The following ROBO2 variants were observed in gnomAD, a reference collection of about 807,000 sequenced individuals.
The protein encoded by ROBO2 is roundabout guidance receptor 2, also known as roundabout homolog 2.
Under a neutral mutation model 160.8 loss-of-function variants are expected in ROBO2, and 53 were observed. The ratio of observed to expected loss-of-function variants is 0.33; its 90% CI spans 0.26 to 0.41. ROBO2 has a LOEUF of 0.41. ROBO2 is among the 10% of genes least tolerant of loss of function. ROBO2 has a pLI of 1.00. For synonymous variants in ROBO2, 664 were observed against 611.7 expected (o/e 1.09, Z -1.26); for missense variants, 1,577 against 1,722.4 (o/e 0.92, Z 1.49).
chr3:77,544,248 G>A (rs1186916386), intron 6 of ROBO2, among the ~76,000 whole-genome samples: 3 of 151,852 alleles, frequency 2.0e-5, no homozygotes, highest in Admixed American at 2.0e-4. Context: ...AGAAAACATG[G>A]AACAAAAATC....
intron 2 of ROBO2, among the ~76,000 whole-genome samples, chr3:77,180,143 G>T (rs890373546): frequency 1.3e-5 from 2 of 151,856 alleles, no homozygotes; most frequent in African/African-American, 4.8e-5. Context: ...TTAATCTTCT[G>T]TTTACCACTA....
intron 2 of ROBO2, among the ~76,000 whole-genome samples, chr3:76,157,437 T>C (rs2072452041): frequency 6.6e-6 from 1 of 152,110 alleles, no homozygotes; most frequent in South Asian, 2.1e-4. Flanking sequence ...TGTAGCAGAG[T>C]AAGCCACAAT....
In ROBO2 at chr3:76,786,683, C is replaced by T. The variant is rs138987436; in HGVS notation, c.110-311331C>T. ...ACACAGAGCCAAACCATATCAATGCCTTAGGCAACGAGTAAGCAAATTTCT... is the reference window on the plus strand; with the variant it reads ...ACACAGAGCCAAACCATATCAATGCTTTAGGCAACGAGTAAGCAAATTTCT... On this transcript the variant is annotated intron_variant, in intron 2 of 26. Transcript: ENST00000487694. Among the ~76,000 whole-genome samples the T allele has an allele frequency of 1.1e-4, 16 of 150,850 alleles. No homozygotes were observed. The East Asian group carries it at 2.8e-3, about 26-fold the overall frequency.
chr3:76,711,979 C>T (rs2107611764), intron 2 of ROBO2, among the ~76,000 whole-genome samples: 1 of 152,248 alleles, frequency 6.6e-6, no homozygotes, highest in Middle Eastern at 3.4e-3. Context: ...ATGTTACCTC[C>T]AAGTAATGGC....
intron 2 of ROBO2, among the ~76,000 whole-genome samples, chr3:76,972,103 C>G (rs1029051463): frequency 2.0e-5 from 3 of 152,108 alleles, no homozygotes; most frequent in Non-Finnish European, 2.9e-5. Context: ...TTGAGAATTA[C>G]ATCTAACACC....
chr3:77,482,377 G>A (rs190177709), intron 4 of ROBO2, among the ~76,000 whole-genome samples: 3 of 152,180 alleles, frequency 2.0e-5, no homozygotes, highest in Admixed American at 2.0e-4. Flanking sequence ...AAGGTGTAAT[G>A]GGAGTGCCAC....
intron 2 of ROBO2, among the ~76,000 whole-genome samples, chr3:76,232,228 A>G (rs1346347738): frequency 1.3e-5 from 2 of 152,204 alleles, no homozygotes; most frequent in East Asian, 3.8e-4. Flanking sequence ...TAGTTATTAC[A>G]TTTTTAAGCA....
intron 2 of ROBO2, among the ~76,000 whole-genome samples, chr3:76,083,599 G>A (rs1004231895): frequency 6.6e-6 from 1 of 152,048 alleles, no homozygotes; most frequent in East Asian, 1.9e-4. Context: ...AAATATGTAG[G>A]TCAACATCTG....
rs182697436 is a variant in ROBO2 at position 76,446,130 on chromosome 3, T to G, written c.109+508528T>G. Among the ~76,000 whole-genome samples the G allele has an allele frequency of 8.5e-5, 13 of 152,288 alleles. No individual in the cohort carries two copies. In the East Asian group the frequency reaches 2.5e-3, roughly 30 times the overall value. ...TGTTTGCAGATGACATGATTGTACA[T>G]TTAGAAAACCCCATCGTCTCAGCCC... On this transcript the variant is annotated intron_variant, in intron 2 of 26. Transcript: ENST00000487694.
At chr3:76,536,132 T>C (rs186191310) in intron 2 of ROBO2, among the ~76,000 whole-genome samples, 1 of 151,786 alleles carries the variant, frequency 6.6e-6, no homozygotes, top group African/African-American at 2.4e-5. Flanking sequence ...GGAGAGGAGG[T>C]CCTGAAGGAA....
chr3:76,622,281 A>AAGGAAGGAAG (rs2089254268), intron 2 of ROBO2, among the ~76,000 whole-genome samples: 1 of 79,488 alleles, frequency 1.3e-5, no homozygotes, highest in African/African-American at 4.7e-5. Flanking sequence ...AAAGAAAGAA[A>AAGGAAGGAAG]GAAAGAAAGA....
intron 2 of ROBO2, among the ~76,000 whole-genome samples, chr3:76,424,929 A>G (rs2076149129): frequency 6.6e-6 from 1 of 152,214 alleles, no homozygotes; most frequent in Middle Eastern, 3.4e-3. Flanking sequence ...TGAACTCAAC[A>G]TTCCCACCCC....
intron 5 of ROBO2, among the ~76,000 whole-genome samples, chr3:77,518,771 G>A (rs1048660330): frequency 6.6e-6 from 1 of 151,500 alleles, no homozygotes; most frequent in South Asian, 2.1e-4. Flanking sequence ...GAAATTAAAA[G>A]ATGACAATGA....
chr3:77,097,888 C>A lies in ROBO2; in HGVS notation c.62-126C>A, dbSNP rs9873691. The A allele has an allele frequency of 0.25, 217,622 of 876,014 alleles. 30,491 individuals carry two copies. The highest frequency in any genetic ancestry group is 0.58 in the East Asian group (21,668 of 37,182). The allele number at this position is 876,014 out of a possible 1,614,324, so 54.3% of individuals were successfully genotyped here. A position where few individuals can be genotyped will look rare whatever the true frequency, so the allele number is the denominator to read the frequency against. ...TGACTTATGAGATGCATACACAAAACGAAACATAAAATAATGTTCAGTTGG... is the reference window on the plus strand; with the variant it reads ...TGACTTATGAGATGCATACACAAAAAGAAACATAAAATAATGTTCAGTTGG... On this transcript the variant is annotated intron_variant, in intron 1 of 25. Transcript: ENST00000461745.
intron 2 of ROBO2, among the ~76,000 whole-genome samples, chr3:76,645,865 C>T (rs975571323): frequency 6.6e-6 from 1 of 152,128 alleles, no homozygotes; most frequent in African/African-American, 2.4e-5. Context: ...TTTATTCCTT[C>T]CTGCATTTAT....
intron 2 of ROBO2, among the ~76,000 whole-genome samples, chr3:76,292,480 T>C (rs1455366873): frequency 9.9e-5 from 15 of 152,202 alleles, no homozygotes; most frequent in Admixed American, 9.2e-4. Flanking sequence ...TAACATTTAC[T>C]CTTAAAGAAT....
intron 2 of ROBO2, among the ~76,000 whole-genome samples, chr3:77,231,990 A>G (rs2087278379): frequency 6.6e-6 from 1 of 152,132 alleles, no homozygotes; most frequent in African/African-American, 2.4e-5. Flanking sequence ...CTTTGAATTC[A>G]GTAATATTAT....
chr3:76,552,604 T>C (rs1003193131), intron 2 of ROBO2, among the ~76,000 whole-genome samples: 3 of 152,166 alleles, frequency 2.0e-5, no homozygotes, highest in African/African-American at 4.8e-5. Context: ...ACAATAAACC[T>C]TTCACAGACT....
chr3:76,988,147 ATTT>A (rs1240371445), intron 2 of ROBO2, among the ~76,000 whole-genome samples: 19 of 152,310 alleles, frequency 1.2e-4, no homozygotes, highest in African/African-American at 4.1e-4. Flanking sequence ...AGAAAAGTAG[ATTT>A]TTAAAATAAT....
Sources: allele counts gnomAD v4.1 joint callset (sites outside exome capture counted in the v4.1 genomes callset), GRCh38; gene constraint gnomAD v4.1.1; transcripts MANE v1.5; gene names NCBI Gene and HGNC (gene_info 2026-07-23, HGNC 2026-07-21).